The following CFDP1 variants were observed in gnomAD, a reference collection of about 807,000 sequenced individuals.
CFDP1 encodes heterochromatin-stabilizing protein CFDP1.
CFDP1 carries 31 observed loss-of-function variants against 40.1 expected under a neutral mutation model. The observed-to-expected ratio is 0.77, with a 90% CI of 0.58 to 1.04. CFDP1 has a LOEUF of 1.04. Ranked by LOEUF, CFDP1 falls within the 50% of genes least tolerant of loss-of-function variation. CFDP1 has a pLI of 0.00. For missense variants in CFDP1, 423 were observed against 343.4 expected (o/e 1.23, Z -1.83); for synonymous variants, 167 against 120.0 (o/e 1.39, Z -2.56).
intron 6 of CFDP1, among the ~76,000 whole-genome samples, chr16:75,304,222 C>T (rs2078242874): frequency 6.6e-6 from 1 of 152,084 alleles, no homozygotes; most frequent in Non-Finnish European, 1.5e-5. Context: ...GTGTGCACCA[C>T]TATGCCTGGC....
intron 5 of CFDP1, among the ~76,000 whole-genome samples, chr16:75,327,886 G>T (rs1376939287): frequency 6.6e-6 from 1 of 152,088 alleles, no homozygotes; most frequent in African/African-American, 2.4e-5. Flanking sequence ...ACCACACCTG[G>T]CTAATTTTTT....
chr16:75,323,821 A>T (rs2078383971), intron 5 of CFDP1, among the ~76,000 whole-genome samples: 1 of 152,074 alleles, frequency 6.6e-6, no homozygotes, highest in Non-Finnish European at 1.5e-5. Context: ...ATAAAACAGT[A>T]ACATAGCTGT....
intron 4 of CFDP1, among the ~76,000 whole-genome samples, chr16:75,396,930 T>A (rs1443537038): frequency 1.3e-5 from 2 of 152,086 alleles, no homozygotes; most frequent in Non-Finnish European, 2.9e-5. Flanking sequence ...TTGTTTTCAT[T>A]TGAGATGGAG....
chr16:75,380,153 A>C (rs2078840998), intron 5 of CFDP1: 1 of 152,234 alleles, frequency 6.6e-6, no homozygotes, highest in African/African-American at 2.4e-5. Flanking sequence ...AAAAAAAGAA[A>C]GAAAAGCTAC....
intron 6 of CFDP1, among the ~76,000 whole-genome samples, chr16:75,303,185 G>C (rs2078232881): frequency 6.7e-6 from 1 of 149,434 alleles, no homozygotes; most frequent in African/African-American, 2.5e-5. Flanking sequence ...GCCCAACATG[G>C]TGAAACCCCG....
intron 4 of CFDP1, among the ~76,000 whole-genome samples, chr16:75,396,196 T>C (rs952328000): frequency 9.8e-6 from 1 of 102,116 alleles, no homozygotes; most frequent in Non-Finnish European, 2.3e-5. Context: ...AATTGGGAAA[T>C]AATGCCTAGG....
chr16:75,425,929 G>A (rs1192892916), intron 1 of CFDP1, among the ~76,000 whole-genome samples: 2 of 146,954 alleles, frequency 1.4e-5, no homozygotes, highest in Non-Finnish European at 1.5e-5. Flanking sequence ...CCAACTACTC[G>A]GGAAGCTGAG....
chr16:75,295,150 G>C (rs2151496041), intron 6 of CFDP1, among the ~76,000 whole-genome samples: 1 of 152,312 alleles, frequency 6.6e-6, no homozygotes, highest in South Asian at 2.1e-4. Context: ...ATGCTACCAG[G>C]TTCAGAAACC....
At chr16:75,397,960 C>T (rs770795127) in intron 4 of CFDP1, among the ~76,000 whole-genome samples, 17 of 152,350 alleles carry the variant, frequency 1.1e-4, no homozygotes, top group Admixed American at 6.5e-4. Context: ...TGTGCTGTTT[C>T]TCTTGCCCCT....
At chr16:75,415,589 T>C (rs1223974885) in intron 1 of CFDP1, among the ~76,000 whole-genome samples, 1 of 152,192 alleles carries the variant, frequency 6.6e-6, no homozygotes, top group Non-Finnish European at 1.5e-5. Context: ...TAGTTTTGCC[T>C]GCTTTTCAAC....
chr16:75,353,748 CAAAAAA>C (rs3975152), intron 5 of CFDP1, among the ~76,000 whole-genome samples: 1 of 72,340 alleles, frequency 1.4e-5, no homozygotes, highest in African/African-American at 6.0e-5. Context: ...AAGTCCGTCT[CAAAAAA>C]AAAAAAAAAA....
intron 5 of CFDP1, among the ~76,000 whole-genome samples, chr16:75,334,892 T>C (rs556891383): frequency 6.6e-6 from 1 of 151,642 alleles, no homozygotes; most frequent in African/African-American, 2.4e-5. Flanking sequence ...GAGGTGGAGG[T>C]TGCAGTGAGC....
chr16:75,430,180 TG>T (rs200100751), intron 1 of CFDP1, among the ~76,000 whole-genome samples: 74,203 of 151,090 alleles, frequency 0.49, 19,644 homozygotes, highest in Admixed American at 0.62. Context: ...TTTGTTTGTT[TG>T]TTTTTTCGAG....
At chr16:75,387,313 T>G (rs537957115) in intron 5 of CFDP1, among the ~76,000 whole-genome samples, 1 of 152,148 alleles carries the variant, frequency 6.6e-6, no homozygotes, top group Non-Finnish European at 1.5e-5. Context: ...GAGAATTTTT[T>G]GTTTTTTTAG....
chr16:75,314,965 T>A (rs924951168), intron 5 of CFDP1, among the ~76,000 whole-genome samples: 1 of 152,128 alleles, frequency 6.6e-6, no homozygotes, highest in African/African-American at 2.4e-5. Flanking sequence ...TTGGCCAGGT[T>A]GGTCTTGATC....
At chr16:75,337,441 ATT>A (rs2078497322) in intron 5 of CFDP1, among the ~76,000 whole-genome samples, 1 of 152,146 alleles carries the variant, frequency 6.6e-6, no homozygotes, top group Non-Finnish European at 1.5e-5. Context: ...GCCCCTCCTT[ATT>A]GCTGCCACAA....
chr16:75,416,719 G>C (rs1726318253), intron 1 of CFDP1, among the ~76,000 whole-genome samples: 1 of 152,172 alleles, frequency 6.6e-6, no homozygotes, highest in African/African-American at 2.4e-5. Flanking sequence ...CTGCACTCCA[G>C]CCTGGGTAAC....
At chr16:75,335,330 T>C (rs1210088959) in intron 5 of CFDP1, among the ~76,000 whole-genome samples, 1 of 152,184 alleles carries the variant, frequency 6.6e-6, no homozygotes, top group Non-Finnish European at 1.5e-5. Context: ...TGGCTTATGT[T>C]CGTGGTCAAA....
chr16:75,320,434 A>C (rs2078354816), intron 5 of CFDP1, among the ~76,000 whole-genome samples: 1 of 96,564 alleles, frequency 1.0e-5, no homozygotes, highest in African/African-American at 3.6e-5. Context: ...TGTTTGAAGG[A>C]AAACTAGTTA....
Sources: gnomAD v4.1 joint callset for allele counts (sites outside exome capture counted in the v4.1 genomes callset) on GRCh38, gnomAD v4.1.1 for gene constraint, MANE v1.5 for transcripts, NCBI Gene and HGNC (gene_info 2026-07-23, HGNC 2026-07-21) for gene names.